The following TULP4 variants were observed in gnomAD, a reference collection of about 807,000 sequenced individuals.
TULP4 encodes TUB like protein 4.
A neutral mutation model predicts 129.0 loss-of-function variants in TULP4; 16 were observed. The observed-to-expected ratio is 0.12, with a 90% CI of 0.08 to 0.19. The LOEUF (loss-of-function observed/expected upper bound fraction) is 0.19. Ranked by LOEUF, TULP4 falls within the 10% of genes least tolerant of loss-of-function variation. The pLI is 1.00. For synonymous variants in TULP4, 998 were observed against 854.0 expected (o/e 1.17, Z -2.94); for missense variants, 1,842 against 2,059.1 (o/e 0.89, Z 2.04).
intron 5 of TULP4, among the ~76,000 whole-genome samples, chr6:158,453,123 C>T (rs1488193601): frequency 1.3e-5 from 2 of 152,010 alleles, no homozygotes; most frequent in East Asian, 1.9e-4. Context: ...GAGTCATTAC[C>T]GTGCGCTACT....
At chr6:158,281,971 C>G (rs1001227053), upstream of TULP4, among the ~76,000 whole-genome samples, 1 of 152,142 alleles carries the variant, frequency 6.6e-6, no homozygotes. Context: ...TCCTGAGTCT[C>G]TCTTTGCCCT....
At chr6:158,415,192 T>C (rs1778179316) in intron 2 of TULP4, among the ~76,000 whole-genome samples, 1 of 152,236 alleles carries the variant, frequency 6.6e-6, no homozygotes, top group Non-Finnish European at 1.5e-5. Context: ...ACATGACTCG[T>C]GTTTGTGGTG....
chr6:158,350,364 G>A (rs1226326585), intron 1 of TULP4, among the ~76,000 whole-genome samples: 2 of 152,068 alleles, frequency 1.3e-5, no homozygotes, highest in African/African-American at 4.8e-5. Context: ...ACTTTGGGAG[G>A]CCAAGGCAGG....
At chr6:158,331,540 C>T (rs1779879197) in intron 1 of TULP4, among the ~76,000 whole-genome samples, 1 of 151,094 alleles carries the variant, frequency 6.6e-6, no homozygotes, top group Non-Finnish European at 1.5e-5. Context: ...GTTTCAGCAT[C>T]ATCTTGTACT....
chr6:158,269,040 G>C (rs1301347638), intron 1 of TULP4, among the ~76,000 whole-genome samples: 1 of 152,222 alleles, frequency 6.6e-6, no homozygotes, highest in Admixed American at 6.5e-5. Flanking sequence ...GCATTGTGAA[G>C]GGTCTTTCCA....
At chr6:158,418,966 G>A (rs341148) in intron 2 of TULP4, among the ~76,000 whole-genome samples, 36,623 of 152,142 alleles carry the variant, frequency 0.24, 5,671 homozygotes, top group Non-Finnish European at 0.34. Context: ...TAAAATGCAT[G>A]TAAGTAAATA....
intron 1 of TULP4, among the ~76,000 whole-genome samples, chr6:158,331,098 T>C (rs953787960): frequency 6.6e-6 from 1 of 152,140 alleles, no homozygotes; most frequent in Non-Finnish European, 1.5e-5. Context: ...TTGGTTTTTT[T>C]CCCCCTGTAT....
At chr6:158,425,941 G>C (rs897646890) in intron 2 of TULP4, among the ~76,000 whole-genome samples, 1 of 152,134 alleles carries the variant, frequency 6.6e-6, no homozygotes, top group Non-Finnish European at 1.5e-5. Context: ...ATGTGAGATG[G>C]TGTCTCATTG....
chr6:158,251,835 C>T (rs1396626751), intron 1 of TULP4, among the ~76,000 whole-genome samples: 1 of 152,162 alleles, frequency 6.6e-6, no homozygotes, highest in Non-Finnish European at 1.5e-5. Flanking sequence ...TCTGGTTTGA[C>T]CAGATCACTA....
chr6:158,304,134 T>C (rs1779173887), intron 1 of TULP4, among the ~76,000 whole-genome samples: 1 of 152,136 alleles, frequency 6.6e-6, no homozygotes, highest in Admixed American at 6.5e-5. Flanking sequence ...TGAAGATTTA[T>C]TGGTTGATTA....
chr6:158,289,419 A>G (rs11754501), intron 1 of TULP4, among the ~76,000 whole-genome samples: 30,876 of 151,640 alleles, frequency 0.2, 3,742 homozygotes, highest in Admixed American at 0.31. Flanking sequence ...TGTTTTTACT[A>G]TCTTCTTCCT....
chr6:158,499,776 C>T (rs1159141853), intron 12 of TULP4, among the ~76,000 whole-genome samples: 1 of 152,090 alleles, frequency 6.6e-6, no homozygotes, highest in East Asian at 1.9e-4. Context: ...AGCTTGGGCC[C>T]TCCTCCTCAG....
intron 1 of TULP4, among the ~76,000 whole-genome samples, chr6:158,243,823 G>A (rs909747099): frequency 6.8e-6 from 1 of 148,086 alleles, no homozygotes; most frequent in African/African-American, 2.5e-5. Flanking sequence ...GTTACATCCT[G>A]TCATTTAGTT....
intron 1 of TULP4, among the ~76,000 whole-genome samples, chr6:158,314,798 A>G (rs1447184186): frequency 6.6e-6 from 1 of 152,240 alleles, no homozygotes; most frequent in Non-Finnish European, 1.5e-5. Context: ...GTTAATGGAC[A>G]AAAACCATAG....
rs918600744 is a variant in TULP4, at chr6:158,430,978, TC to T, written c.543+1083del. 4.5e-4 allele frequency among the ~76,000 whole-genome samples: 68 copies of T among 152,264 alleles called. 1 individual carries two copies. Among genetic ancestry groups the T allele is most frequent in the African/African-American group, 1.6e-3 (67 of 41,552 alleles). ...CTCTAGTCACTATATATTTAATGTT[TC>T]CATTTTTCAAGTAAAAAGACAAATA... On this transcript the variant is annotated intron_variant, in intron 3 of 13. Coordinates refer to ENST00000367097, the MANE Select transcript of TULP4 (RefSeq NM_020245.5).
chr6:158,425,533 AAAATG>A (rs1778465432), intron 2 of TULP4, among the ~76,000 whole-genome samples: 1 of 148,800 alleles, frequency 6.7e-6, no homozygotes. Flanking sequence ...AAAAAAAAAA[AAAATG>A]GCAGCCGACG....
intron 1 of TULP4, among the ~76,000 whole-genome samples, chr6:158,348,081 C>T (rs1780353976): frequency 2.0e-5 from 3 of 150,098 alleles, no homozygotes; most frequent in Admixed American, 2.0e-4. Flanking sequence ...AGCAATTGAT[C>T]ACTTAAACAA....
chr6:158,319,809 A>G (rs183562683), intron 1 of TULP4, among the ~76,000 whole-genome samples: 13 of 152,348 alleles, frequency 8.5e-5, no homozygotes, highest in Admixed American at 8.5e-4. Flanking sequence ...CTGTTGTTAG[A>G]AATTTGTGAT....
intron 1 of TULP4, among the ~76,000 whole-genome samples, chr6:158,379,024 T>C (rs1777265693): frequency 6.6e-6 from 1 of 152,158 alleles, no homozygotes; most frequent in African/African-American, 2.4e-5. Context: ...GGAAGCAGCC[T>C]GTCCTTAGGA....
Sources: allele counts gnomAD v4.1 joint callset (sites outside exome capture counted in the v4.1 genomes callset), GRCh38; gene constraint gnomAD v4.1.1; transcripts MANE v1.5; gene names NCBI Gene and HGNC (gene_info 2026-07-23, HGNC 2026-07-21).